Variants in PRPSAP1 observed in about 807,000 individuals in gnomAD.
The protein encoded by PRPSAP1 is phosphoribosyl pyrophosphate synthetase associated protein 1, also known as phosphoribosyl pyrophosphate synthase-associated protein 1.
In PRPSAP1, 31 loss-of-function variants were observed where a neutral mutation model predicts 39.4. That is an observed-to-expected ratio of 0.79 (90% CI 0.59 to 1.06). The LOEUF is 1.06. PRPSAP1 is among the 50% of genes least tolerant of loss of function. The pLI is 0.00. For missense variants in PRPSAP1, 430 were observed against 511.6 expected (o/e 0.84, Z 1.54); for synonymous variants, 212 against 192.6 (o/e 1.10, Z -0.83).
chr17:76,315,195 TAAAG>T (rs2071110089), intron 7 of PRPSAP1, among the ~76,000 whole-genome samples: 1 of 152,092 alleles, frequency 6.6e-6, no homozygotes, highest in African/African-American at 2.4e-5. Flanking sequence ...AACTACAGGA[TAAAG>T]AAAGGAAATA....
At chr17:76,354,000 G>A, upstream of PRPSAP1, 1 of 1,236,346 alleles carries the variant, frequency 8.1e-7, no homozygotes, top group Non-Finnish European at 1.0e-6. Flanking sequence ...CAGGGAGCCT[G>A]GCGACTCTCT....
intron 7 of PRPSAP1, among the ~76,000 whole-genome samples, chr17:76,318,996 G>C (rs1211546957): frequency 6.6e-6 from 1 of 152,028 alleles, no homozygotes; most frequent in African/African-American, 2.4e-5. Flanking sequence ...CTGGAGTGCA[G>C]TGGCGTGATC....
intron 2 of PRPSAP1, chr17:76,345,882 C>T: frequency 2.4e-6 from 1 of 413,030 alleles, no homozygotes; most frequent in Non-Finnish European, 4.7e-6. Context: ...GAGATGAGGC[C>T]AAGGTGAAAG....
chr17:76,348,773 C>T (rs1350954709), intron 1 of PRPSAP1, among the ~76,000 whole-genome samples, 192 bp from the exon 2 acceptor site: 1 of 152,156 alleles, frequency 6.6e-6, no homozygotes, highest in African/African-American at 2.4e-5. Flanking sequence ...CACGTTGTAA[C>T]ATACTGCTTT....
intron 7 of PRPSAP1, among the ~76,000 whole-genome samples, chr17:76,319,111 TG>T (rs907180105): frequency 6.6e-6 from 1 of 152,030 alleles, no homozygotes; most frequent in Non-Finnish European, 1.5e-5. Flanking sequence ...GGCTAATTTT[TG>T]TATTTTTAGT....
intron 8 of PRPSAP1, chr17:76,313,535 C>T: frequency 5.1e-6 from 2 of 395,678 alleles, no homozygotes. Context: ...AACGCTCAAG[C>T]ATGATTAGGT....
At chr17:76,321,089 C>T (rs532117937) in intron 7 of PRPSAP1, among the ~76,000 whole-genome samples, 29 of 152,126 alleles carry the variant, frequency 1.9e-4, no homozygotes, top group African/African-American at 7.0e-4. Flanking sequence ...AGCCAGGGTG[C>T]CATTTTTCTA....
Position 76,313,833 on chromosome 17 carries a change from G to A in PRPSAP1, c.840C>T (p.Ile280=), listed in dbSNP as rs746778261. 2.7e-5 allele frequency: 44 copies of A among 1,614,018 alleles called. No homozygotes were observed. Among genetic ancestry groups the A allele is most frequent in the East Asian group, 4.5e-5 (2 of 44,892 alleles). ...CATATAACCATACCACGATGATTGC[G>A]ATGCGGCCTCCAACATCTCCAACTA... ...ITVVGDVGGR[I]AIIVDDIIDD... is the part of the protein sequence containing the mutation. Residue 280 remains isoleucine, a synonymous_variant, in exon 8 of 10, where the codon ATC becomes ATT. Transcript: ENST00000446526.
chr17:76,324,051 C>CAGG (rs34375349), intron 7 of PRPSAP1, among the ~76,000 whole-genome samples: 150,431 of 151,506 alleles, frequency 0.99, 74,682 homozygotes, highest in East Asian at 1. Flanking sequence ...GAAGCTGAGG[C>CAGG]AGAATTGCTT....
intron 5 of PRPSAP1, 142 bp downstream of exon 5, chr17:76,330,409 C>G (rs2071308464): frequency 1.5e-6 from 1 of 664,594 alleles, no homozygotes. Context: ...ACGACTAAAG[C>G]TGACCCTGTC....
At position 76,348,527 on chromosome 17, in the gene PRPSAP1, A is replaced by G; in HGVS notation, c.223+2T>C. 1 of 1,444,094 alleles carries G rather than the reference A, an allele frequency of 6.9e-7. No homozygotes were observed. The highest frequency in any genetic ancestry group is 9.1e-7 in the Non-Finnish European group (1 of 1,099,428). The allele number at this position is 1,444,094 out of a possible 1,614,324, so 89.5% of individuals were successfully genotyped here. A position where few individuals can be genotyped will look rare whatever the true frequency, so the allele number is the denominator to read the frequency against. ...TAAAAAAAAGAAATAATTTTAACTT[A>G]CCTCCATTGGTCTCTTGATATACAA... On this transcript the variant is annotated splice_donor_variant, in intron 2 of 9. Transcript: ENST00000446526. LOFTEE classifies it high-confidence loss of function.
intron 7 of PRPSAP1, among the ~76,000 whole-genome samples, chr17:76,316,201 AAAG>A (rs896423770): frequency 6.6e-6 from 1 of 151,594 alleles, no homozygotes; most frequent in African/African-American, 2.4e-5. Flanking sequence ...AGAAAAAAAA[AAAG>A]AAAGATTGCA....
chr17:76,327,940 T>C (rs2071270854), intron 7 of PRPSAP1, among the ~76,000 whole-genome samples: 1 of 152,136 alleles, frequency 6.6e-6, no homozygotes, highest in Non-Finnish European at 1.5e-5. Context: ...TCTCGGCATT[T>C]TGGGAGACCA....
In PRPSAP1 at chr17:76,328,738, G is replaced by A. The variant is rs755275663; in HGVS notation, c.760C>T (p.His254Tyr). 1 of 1,614,146 alleles carries A rather than the reference G, an allele frequency of 6.2e-7. No individual in the cohort carries two copies. The highest frequency in any genetic ancestry group is 8.5e-7 in the Non-Finnish European group (1 of 1,180,024). Residue 254 changes from histidine (H) to tyrosine (Y), a missense_variant, in exon 7 of 10, where the codon CAC (histidine) becomes TAC (tyrosine). Physicochemically the swap from His to Tyr is moderately conservative, Grantham distance 83. Coordinates refer to ENST00000446526, the MANE Select transcript of PRPSAP1 (RefSeq NM_002766.3). The stretch of plus-strand genomic sequence containing the variant: ...TTACATGGCAACTCCAGGCCTGGGT[G>A]CACAGTAGCATTTTTGACCATAGGC... ...SPPMVKNATV[H>Y]PGLELPLMMA...
At chr17:76,314,753 C>CT (rs1339586314) in intron 7 of PRPSAP1, 1 of 152,290 alleles carries the variant, frequency 6.6e-6, no homozygotes, top group Non-Finnish European at 1.5e-5. Context: ...GGCCGTGTCT[C>CT]ATGAGCTCAG....
Position 76,353,641 on chromosome 17 carries a change from G to T in PRPSAP1, c.63C>A (p.Arg21=). The T allele has an allele frequency of 6.5e-7, 1 of 1,536,404 alleles. No homozygotes were observed. Among genetic ancestry groups the T allele is most frequent in the East Asian group, 2.6e-5 (1 of 38,798 alleles). ...TGGCCGGCGGGGGAACGGGGCGGGC[G>T]CGCGGGACGCGGAAAGCCGAGGACG... ...PSASSAFRVP[R]ARPVPPPAMN... The change falls in exon 1 of 10, where the codon CGC becomes CGA. Residue 21 remains arginine (R), a synonymous_variant. Coordinates refer to ENST00000446526, the MANE Select transcript of PRPSAP1 (RefSeq NM_002766.3).
At chr17:76,336,289 T>C (rs2071377711) in intron 3 of PRPSAP1, among the ~76,000 whole-genome samples, 1 of 151,958 alleles carries the variant, frequency 6.6e-6, no homozygotes. Flanking sequence ...AATTCAAAAC[T>C]TAGCCGGGCA....
chr17:76,352,391 A>G (rs6501889), intron 1 of PRPSAP1, among the ~76,000 whole-genome samples: 3,482 of 152,250 alleles, frequency 0.023, 131 homozygotes, highest in African/African-American at 0.081. Context: ...GAAGCCTGTA[A>G]TCCCAGCACT....
intron 7 of PRPSAP1, among the ~76,000 whole-genome samples, chr17:76,323,673 T>C (rs1315318156): frequency 2.0e-5 from 3 of 151,516 alleles, no homozygotes; most frequent in African/African-American, 7.3e-5. Flanking sequence ...AAAACTGTAA[T>C]GGATAAGGAG....
Sources: gnomAD v4.1 joint callset for allele counts (sites outside exome capture counted in the v4.1 genomes callset) on GRCh38, gnomAD v4.1.1 for gene constraint, MANE v1.5 for transcripts, NCBI Gene and HGNC (gene_info 2026-07-23, HGNC 2026-07-21) for gene names.